Variants in EMC8 observed in about 807,000 individuals in gnomAD.
EMC8 encodes ER membrane protein complex subunit 8.
EMC8 carries 11 observed loss-of-function variants against 24.3 expected under a neutral mutation model. The observed-to-expected ratio is 0.45, with a 90% CI of 0.28 to 0.75. EMC8 has a LOEUF of 0.75. Among genes scored for constraint, EMC8 ranks in the 30% least tolerant of loss-of-function variants. The pLI is 0.12. For missense variants in EMC8, 277 were observed against 282.7 expected, an observed-to-expected ratio of 0.98 and a Z score of 0.14; for synonymous variants, 145 against 117.7, an observed-to-expected ratio of 1.23 and a Z score of -1.50.
intron 2 of EMC8, among the ~76,000 whole-genome samples, chr16:85,785,914 C>T (rs1013617294): frequency 2.6e-5 from 4 of 152,152 alleles, no homozygotes; most frequent in South Asian, 2.1e-4. Flanking sequence ...TGCCGGGCAC[C>T]GAAACCTACT....
intron 2 of EMC8, among the ~76,000 whole-genome samples, chr16:85,786,973 C>G (rs1052115239): frequency 6.6e-6 from 1 of 152,174 alleles, no homozygotes; most frequent in African/African-American, 2.4e-5. Context: ...ATCTGACAAC[C>G]TGGTGCCATT....
chr16:85,796,704 C>T (rs1467205909), intron 1 of EMC8, among the ~76,000 whole-genome samples: 2 of 152,230 alleles, frequency 1.3e-5, no homozygotes, highest in South Asian at 2.1e-4. Context: ...TTCTCCTGCT[C>T]TTTGCACATG....
intron 1 of EMC8, among the ~76,000 whole-genome samples, chr16:85,796,792 C>G (rs1409083216): frequency 6.6e-6 from 1 of 152,254 alleles, no homozygotes; most frequent in African/African-American, 2.4e-5. Context: ...ATGTTCCTTT[C>G]TCTGGGCAAC....
intron 1 of EMC8, among the ~76,000 whole-genome samples, chr16:85,797,561 C>T (rs1391649103): frequency 2.6e-5 from 4 of 152,156 alleles, no homozygotes; most frequent in African/African-American, 9.7e-5. Context: ...GAATCCTACC[C>T]GGAAATGATA....
rs762525610 is a variant in EMC8, at chr16:85,799,113, G to A, written c.183C>T (p.Phe61=). Residue 61 remains phenylalanine (F), a synonymous_variant, in exon 1 of 5, where the codon TTC becomes TTT. Coordinates refer to ENST00000253457, the MANE Select transcript of EMC8 (RefSeq NM_006067.5). This position sits in a 1 kb window ranked among gnomAD's most constrained non-coding sequence, Gnocchi z 4.2. The stretch of plus-strand genomic sequence containing the variant: ...TGGGGGCGAGGGCCAGGGTGCCGTG[G>A]AAGAGGGGGATGCAGTCCACGAAGA... ...HTLFVDCIPL[F]HGTLALAPML... The A allele has an allele frequency of 4.4e-6, 7 of 1,585,706 alleles. No individual in the cohort carries two copies. In the Admixed American group the frequency reaches 9.0e-5, roughly 20 times the overall value.
intron 1 of EMC8, among the ~76,000 whole-genome samples, chr16:85,796,769 G>T (rs1166569740): frequency 6.6e-6 from 1 of 152,176 alleles, no homozygotes; most frequent in Non-Finnish European, 1.5e-5. Flanking sequence ...TCAAAGGCTG[G>T]CCCGCTGCCT....
chr16:85,780,518 A>G, intron 3 of EMC8, 45 bp from the exon 4 acceptor site: 4 of 1,470,794 alleles, frequency 2.7e-6, no homozygotes, highest in Non-Finnish European at 3.8e-6. Context: ...AATGCCAGCC[A>G]AACAGCAGCG....
rs1266700143 is a variant in EMC8, at chr16:85,781,330, T to C, written c.309-50A>G. ...TTCCAGTTAATGCCATTCAACACTGTTTACAAAAGGCACAGTCAACACCAC... is the reference window on the plus strand; with the variant it reads ...TTCCAGTTAATGCCATTCAACACTGCTTACAAAAGGCACAGTCAACACCAC... On this transcript the variant is annotated intron_variant, in intron 2 of 4. Transcript: ENST00000253457. 13 of 1,204,614 alleles carry C rather than the reference T, an allele frequency of 1.1e-5. 1 individual carries two copies. The highest frequency in any genetic ancestry group is 1.9e-4 in the Middle Eastern group (1 of 5,308). 74.6% of individuals were successfully genotyped at this position (1,204,614 alleles called of 1,614,324 possible).
intron 1 of EMC8, among the ~76,000 whole-genome samples, chr16:85,795,480 A>G (rs1597209579): frequency 6.6e-6 from 1 of 151,814 alleles, no homozygotes; most frequent in East Asian, 1.9e-4. Flanking sequence ...GGGCGCTAGG[A>G]CCCCACCTTC....
chr16:85,788,368 C>G (rs921436), intron 2 of EMC8, among the ~76,000 whole-genome samples: 114,779 of 152,298 alleles, frequency 0.75, 44,078 homozygotes, highest in Non-Finnish European at 0.84. Flanking sequence ...CAGGCCTTGT[C>G]AACAGCCTGC....
chr16:85,787,550 AAGGCACTGAGAGGGG>A (rs1189658447), intron 2 of EMC8: 2 of 152,282 alleles, frequency 1.3e-5, no homozygotes, highest in Non-Finnish European at 1.5e-5. Context: ...TCGCTCAGTG[AAGGCACTGAGAGGGG>A]AGGCACTGAT....
At chr16:85,791,786 T>A (rs1905023207) in intron 1 of EMC8, among the ~76,000 whole-genome samples, 1 of 152,174 alleles carries the variant, frequency 6.6e-6, no homozygotes, top group African/African-American at 2.4e-5. Context: ...CATCTCTTCC[T>A]CTCACTCTGA....
At chr16:85,784,192 G>A (rs1375979233) in intron 2 of EMC8, among the ~76,000 whole-genome samples, 1 of 152,144 alleles carries the variant, frequency 6.6e-6, no homozygotes. Context: ...TAGAGATGGG[G>A]TTTCACCGTG....
chr16:85,785,359 C>G (rs1904704455), intron 2 of EMC8, among the ~76,000 whole-genome samples: 1 of 152,164 alleles, frequency 6.6e-6, no homozygotes, highest in South Asian at 2.1e-4. Context: ...CACTTGAGGT[C>G]AGCAGTTCGA....
intron 2 of EMC8, among the ~76,000 whole-genome samples, chr16:85,783,213 G>A (rs913488045): frequency 6.6e-6 from 1 of 152,202 alleles, no homozygotes; most frequent in Non-Finnish European, 1.5e-5. Flanking sequence ...TGAGGCAGGA[G>A]AATCGCTTGA....
At chr16:85,788,110 T>C (rs1175243974) in intron 2 of EMC8, among the ~76,000 whole-genome samples, 1 of 152,212 alleles carries the variant, frequency 6.6e-6, no homozygotes, top group Non-Finnish European at 1.5e-5. Flanking sequence ...CGGCGTGGAC[T>C]TTCCAGCTGC....
chr16:85,787,984 G>C (rs987114469), intron 2 of EMC8, among the ~76,000 whole-genome samples: 1 of 152,148 alleles, frequency 6.6e-6, no homozygotes, highest in African/African-American at 2.4e-5. Context: ...TGAGCAAGTG[G>C]ACCCAACGGC....
intron 1 of EMC8, among the ~76,000 whole-genome samples, chr16:85,793,140 T>G (rs1328897168): frequency 6.6e-6 from 1 of 152,194 alleles, no homozygotes; most frequent in African/African-American, 2.4e-5. Flanking sequence ...GGGCCACCCC[T>G]TTCATTCCCA....
At chr16:85,788,764 A>C in intron 2 of EMC8, 1 of 585,866 alleles carries the variant, frequency 1.7e-6, no homozygotes, top group Non-Finnish European at 3.0e-6. Flanking sequence ...AGAAGACACA[A>C]AACAGAATTC....
Sources: gnomAD v4.1 joint callset for allele counts (sites outside exome capture counted in the v4.1 genomes callset) on GRCh38, gnomAD v4.1.1 for gene constraint, Gnocchi (gnomAD v3.1) non-coding constraint, MANE v1.5 for transcripts, NCBI Gene and HGNC (gene_info 2026-07-23, HGNC 2026-07-21) for gene names.